The following TESMIN variants were observed in gnomAD, a reference collection of about 807,000 sequenced individuals.
TESMIN encodes CXC domain containing 2.
A neutral mutation model predicts 47.4 loss-of-function variants in TESMIN; 34 were observed. That is an observed-to-expected ratio of 0.72 (90% confidence interval 0.55 to 0.96). TESMIN has a LOEUF of 0.96. Ranked by LOEUF, TESMIN falls within the 40% of genes least tolerant of loss-of-function variation. The pLI is 0.00. For synonymous variants in TESMIN, 278 were observed against 258.9 expected (o/e 1.07, Z -0.71); for missense variants, 610 against 637.2 (o/e 0.96, Z 0.46).
intron 2 of TESMIN, among the ~76,000 whole-genome samples, chr11:68,749,583 G>T (rs1437754450): frequency 6.6e-6 from 1 of 152,216 alleles, no homozygotes; most frequent in Non-Finnish European, 1.5e-5. Context: ...GCTAGAGAGG[G>T]CAGTCGGCTG....
rs773348325 is a variant in TESMIN at position 68,711,064 on chromosome 11, T to C, written c.1159-15A>G. On this transcript the variant is annotated splice_polypyrimidine_tract_variant and intron_variant, in intron 8 of 9. Transcript: ENST00000255087. ...ATAATTTGGGCCTGGTAATATAAAA[T>C]GCTTCAATAAAATTAGGTTGTCTCA... 1 of 1,578,978 alleles carries C rather than the reference T, an allele frequency of 6.3e-7. No individual in the cohort carries two copies. The highest frequency in any genetic ancestry group is 8.6e-7 in the Non-Finnish European group (1 of 1,162,534).
chr11:68,717,347 G>T (rs563032265), intron 6 of TESMIN, among the ~76,000 whole-genome samples: 61 of 152,110 alleles, frequency 4.0e-4, no homozygotes, highest in Non-Finnish European at 7.6e-4. Context: ...GCAGCAGACA[G>T]GAGACAAAGT....
intron 5 of TESMIN, 132 bp downstream of exon 5, chr11:68,742,186 T>A: frequency 1.6e-6 from 1 of 622,096 alleles, no homozygotes; most frequent in Non-Finnish European, 2.7e-6. Context: ...GACTGAACAC[T>A]TGGTAAGTAT....
At chr11:68,742,433 T>C in intron 4 of TESMIN, 39 bp from the exon 5 acceptor site, 1 of 1,322,688 alleles carries the variant, frequency 7.6e-7, no homozygotes, top group Non-Finnish European at 1.1e-6. Flanking sequence ...GTAGCATCTA[T>C]CGTTCCTCTT....
chr11:68,726,715 T>A (rs189093668), intron 6 of TESMIN, among the ~76,000 whole-genome samples: 3 of 152,206 alleles, frequency 2.0e-5, no homozygotes. Flanking sequence ...CAATAATTAA[T>A]CTAGTTAATT....
In TESMIN at chr11:68,708,404, CT is replaced by C. The variant is rs1455979593; in HGVS notation, c.1430del (p.Lys477SerfsTer7). 4 of 1,614,230 alleles carry C rather than the reference CT, an allele frequency of 2.5e-6. No homozygotes were observed. The highest frequency in any genetic ancestry group is 3.4e-6 in the Non-Finnish European group (4 of 1,180,022). ...CCAGGATCATCTGCTCTGCCAGGCA[CT>C]TGGAGCAGTGTTCTTTCTCGGCCTC... ...GEEAEKEHCS[K>X]CLAEQMILEE... On this transcript the variant is annotated frameshift_variant, in exon 10 of 10. Transcript: ENST00000255087. LOFTEE classifies it high-confidence loss of function.
At chr11:68,715,789 CA>C (rs1323288989) in intron 7 of TESMIN, 47 bp downstream of exon 7, 7 of 1,337,062 alleles carry the variant, frequency 5.2e-6, no homozygotes, top group African/African-American at 2.9e-5. Flanking sequence ...ACATCTCAAA[CA>C]GTTTGAAATG....
intron 2 of TESMIN, 78 bp downstream of exon 2, chr11:68,750,112 T>G (rs1946571100): frequency 8.3e-7 from 1 of 1,203,992 alleles, no homozygotes; most frequent in African/African-American, 1.6e-5. Context: ...AGGGAAATCC[T>G]GGGGTACACT....
rs938615301 is a variant in TESMIN, at chr11:68,707,988, G to A, written c.*320C>T. 11 of 436,922 alleles carry A rather than the reference G, an allele frequency of 2.5e-5. No individual in the cohort carries two copies. Among genetic ancestry groups the A allele is most frequent in the Admixed American group, 1.2e-4 (4 of 34,246 alleles). 27.1% of individuals were successfully genotyped at this position (436,922 alleles called of 1,614,324 possible). A position where few individuals can be genotyped will look rare whatever the true frequency, so the allele number is the denominator to read the frequency against. On this transcript the variant is annotated 3_prime_UTR_variant, in exon 10 of 10. Coordinates refer to ENST00000255087, the MANE Select transcript of TESMIN (RefSeq NM_004923.3). Reference sequence around the variant, plus strand: ...GGCCTGCTCTGCCCTCCCCTGCCCCGCTCTGCCCTTCGCAGGGCCTGCTGT... The same window carrying A: ...GGCCTGCTCTGCCCTCCCCTGCCCCACTCTGCCCTTCGCAGGGCCTGCTGT...
intron 4 of TESMIN, 59 bp from the exon 5 acceptor site, chr11:68,742,453 C>T (rs1387592760): frequency 7.2e-6 from 8 of 1,116,500 alleles, no homozygotes; most frequent in African/African-American, 3.1e-5. Context: ...TCCACTTACA[C>T]GTGGATGAAA....
At chr11:68,711,175 CTG>C (rs774603681) in intron 8 of TESMIN, 126 bp from the exon 9 acceptor site, 2 of 820,708 alleles carry the variant, frequency 2.4e-6, no homozygotes, top group African/African-American at 1.7e-5. Context: ...GTGTGTGTGT[CTG>C]TGTGTGTTGA....
Position 68,708,259 on chromosome 11 carries a change from A to C in TESMIN, c.*49T>G. 13 of 1,498,370 alleles carry C rather than the reference A, an allele frequency of 8.7e-6. No individual in the cohort carries two copies. Among genetic ancestry groups the C allele is most frequent in the African/African-American group, 1.4e-5 (1 of 71,724 alleles). The allele number at this position is 1,498,370 out of a possible 1,614,324, so 92.8% of individuals were successfully genotyped here. On this transcript the variant is annotated 3_prime_UTR_variant, in exon 10 of 10. Transcript: ENST00000255087. ...TTCCCCTAAACATCCTTTCTAAACT[A>C]GAGATTTCTAGACTAAGACAAAATC...
chr11:68,740,492 G>T (rs1336570915), intron 5 of TESMIN, among the ~76,000 whole-genome samples: 2 of 152,166 alleles, frequency 1.3e-5, no homozygotes, highest in African/African-American at 4.8e-5. Context: ...TCTTAGAGGT[G>T]AAAGAGCAAG....
chr11:68,715,883 C>T lies in TESMIN; in HGVS notation c.974G>A (p.Cys325Tyr). 3 of 1,613,522 alleles carry T rather than the reference C, an allele frequency of 1.9e-6. No individual in the cohort carries two copies. The highest frequency in any genetic ancestry group is 2.5e-6 in the Non-Finnish European group (3 of 1,179,510). The change falls in exon 7 of 10, where the codon TGT (cysteine) becomes TAT (tyrosine). Residue 325 changes from cysteine (C) to tyrosine (Y), a missense_variant. Transcript: ENST00000255087. ...AATATCATGATGCAAGTTGTTGCAA[C>T]AATTATTACAATTGCAGTTGTTGCA... ...DFCNNCNCNN[C>Y]CNNLHHDIER... is the part of the protein sequence containing the mutation.
intron 3 of TESMIN, among the ~76,000 whole-genome samples, chr11:68,745,388 T>C (rs1186364099): frequency 6.6e-6 from 1 of 151,954 alleles, no homozygotes; most frequent in Non-Finnish European, 1.5e-5. Flanking sequence ...TGTGCCTGGC[T>C]TTCTCCACAG....
At chr11:68,713,473 C>A in intron 7 of TESMIN, 66 bp from the exon 8 acceptor site, 1 of 1,563,920 alleles carries the variant, frequency 6.4e-7, no homozygotes. Context: ...CAATGAAGGG[C>A]ATCTCATTTG....
At chr11:68,710,580 T>C (rs974326404) in intron 9 of TESMIN, 2 of 355,208 alleles carry the variant, frequency 5.6e-6, no homozygotes, top group African/African-American at 2.1e-5. Flanking sequence ...CTGCTAGCCC[T>C]GCTGGTGATC....
At chr11:68,739,657 G>C (rs774468292) in intron 5 of TESMIN, among the ~76,000 whole-genome samples, 1 of 152,012 alleles carries the variant, frequency 6.6e-6, no homozygotes, top group Non-Finnish European at 1.5e-5. Context: ...CATCCATTAC[G>C]GCTGGAAGAC....
intron 6 of TESMIN, among the ~76,000 whole-genome samples, chr11:68,724,013 T>C (rs1006809396): frequency 6.6e-6 from 1 of 151,970 alleles, no homozygotes; most frequent in East Asian, 1.9e-4. Context: ...AAGAAGCCAG[T>C]GGGGTGGGGA....
Sources: gnomAD v4.1 joint callset for allele counts (sites outside exome capture counted in the v4.1 genomes callset) on GRCh38, gnomAD v4.1.1 for gene constraint, MANE v1.5 for transcripts, NCBI Gene and HGNC (gene_info 2026-07-23, HGNC 2026-07-21) for gene names.